The following ERI2 variants were observed in gnomAD, a reference collection of about 807,000 sequenced individuals.
The protein encoded by ERI2 is ERI1 exoribonuclease family member 2.
In ERI2, 35 loss-of-function variants were observed where a neutral mutation model predicts 46.8. That is an observed-to-expected ratio of 0.75 (90% CI 0.57 to 0.99). The LOEUF (loss-of-function observed/expected upper bound fraction) is 0.99, where lower values mean the gene tolerates loss of function less well. ERI2 is among the 50% of genes least tolerant of loss of function. The pLI is 0.00. For synonymous variants in ERI2, 224 were observed against 271.0 expected, an observed-to-expected ratio of 0.83 and a Z score of 1.70; for missense variants, 695 against 796.2, an observed-to-expected ratio of 0.87 and a Z score of 1.53.
downstream of ERI2, chr16:20,792,253 T>C (rs2080617739): frequency 6.2e-7 from 1 of 1,614,024 alleles, no homozygotes; most frequent in East Asian, 2.2e-5. Flanking sequence ...ATTGGACCAT[T>C]TGAGGTAGAA....
At chr16:20,785,193 A>G in intron 10 of ERI2, 1 of 1,530,676 alleles carries the variant, frequency 6.5e-7, no homozygotes, top group South Asian at 1.2e-5. Context: ...CCTTATGATT[A>G]TTTGAGGGAT....
rs2080766855 is a variant in ERI2, at chr16:20,799,003, A to G, written c.797T>C (p.Met266Thr). The change falls in exon 9 of 9, where the codon ATG becomes ACG. Residue 266 changes from methionine to threonine, a missense_variant. Physicochemically the swap from Met to Thr is moderately conservative, Grantham distance 81. Transcript: ENST00000357967. ...CTGGATGCTAATGTTACAGGCAGAC[A>G]TTTCTTCAACTTGAATTGTATTCAA... ...RNLNTIQVEEMSACNISIQGP... is the reference protein window; with the variant it reads ...RNLNTIQVEETSACNISIQGP... 1.3e-6 allele frequency: 2 copies of G among 1,534,822 alleles called. No homozygotes were observed. Among genetic ancestry groups the G allele is most frequent in the Non-Finnish European group, 1.7e-6 (2 of 1,142,892 alleles).
chr16:20,794,949 T>G (rs1013252032), downstream of ERI2, among the ~76,000 whole-genome samples: 2 of 152,242 alleles, frequency 1.3e-5, no homozygotes, highest in African/African-American at 4.8e-5. Context: ...GTAGAAATCG[T>G]CAATATGTGA....
chr16:20,799,308 C>T lies in ERI2; in HGVS notation c.687G>A (p.Met229Ile), dbSNP rs1262068761. Residue 229 changes from methionine to isoleucine, a missense_variant, in exon 8 of 9, where the codon ATG (methionine) becomes ATA (isoleucine). Coordinates refer to ENST00000357967, the MANE Select transcript of ERI2 (RefSeq NM_001142725.2). ...TTTTCATTACACAACCATCTCTGATCATTTTCCAAGCAAGAAGGGCAGTAT... is the reference window on the plus strand; with the variant it reads ...TTTTCATTACACAACCATCTCTGATTATTTTCCAAGCAAGAAGGGCAGTAT... The part of the protein sequence containing the change: ...SRNTALLAWK[M>I]IRDGCVMKIT... 1 of 1,613,752 alleles carries T rather than the reference C, an allele frequency of 6.2e-7. No homozygotes were observed. The highest frequency in any genetic ancestry group is 1.7e-5 in the Admixed American group (1 of 59,996).
At chr16:20,802,078 AC>A (rs1470496529) in intron 4 of ERI2, among the ~76,000 whole-genome samples, 1 of 148,542 alleles carries the variant, frequency 6.7e-6, no homozygotes, top group Non-Finnish European at 1.5e-5. Flanking sequence ...GAGGTGACTC[AC>A]GCCTGTAATC....
chr16:20,787,045 A>C (rs1246717483), intron 10 of ERI2, among the ~76,000 whole-genome samples: 1 of 152,202 alleles, frequency 6.6e-6, no homozygotes, highest in South Asian at 2.1e-4. Flanking sequence ...CCTGATGCCT[A>C]GGGGGAATTC....
chr16:20,792,363 A>G (rs1449870465), downstream of ERI2: 4 of 1,611,844 alleles, frequency 2.5e-6, no homozygotes, highest in South Asian at 3.3e-5. Flanking sequence ...TGTCAACTTT[A>G]TAATTTGTTG....
intron 10 of ERI2, chr16:20,786,448 A>G (rs536999427): frequency 2.4e-6 from 1 of 425,324 alleles, no homozygotes; most frequent in East Asian, 4.1e-5. Context: ...TGGGAGGCCA[A>G]GGCGGGAGCA....
At chr16:20,792,415 G>C (rs2080624037), downstream of ERI2, 1 of 1,578,374 alleles carries the variant, frequency 6.3e-7, no homozygotes, top group Non-Finnish European at 8.7e-7. Context: ...CAGTGAAACA[G>C]AATTAACCAA....
chr16:20,786,028 A>C lies in ERI2; in HGVS notation c.894+3451T>G, dbSNP rs777074557. ...TGAATGAATGCATGATAGATGAATA[A>C]ATTTTAAGTGACTTGTAATGTTATC... On this transcript the variant is annotated intron_variant, in intron 10 of 10. Transcript: ENST00000300005. 28 of 1,312,560 alleles carry C rather than the reference A, an allele frequency of 2.1e-5. No homozygotes were observed. The Admixed American group carries it at 6.8e-4, about 32-fold the overall frequency. 81.3% of individuals were successfully genotyped at this position (1,312,560 alleles called of 1,614,324 possible).
At chr16:20,787,245 G>A (rs2080494655) in intron 10 of ERI2, among the ~76,000 whole-genome samples, 1 of 152,176 alleles carries the variant, frequency 6.6e-6, no homozygotes, top group Non-Finnish European at 1.5e-5. Context: ...TGGCTGACTG[G>A]GAGCTGTGAC....
chr16:20,786,192 A>T, intron 10 of ERI2: 1 of 1,606,728 alleles, frequency 6.2e-7, no homozygotes. Flanking sequence ...AATGTTTAAC[A>T]ACCCAATCTG....
At chr16:20,791,079 T>A in intron 8 of ERI2, 1 of 716,984 alleles carries the variant, frequency 1.4e-6, no homozygotes. Context: ...ATTAAGCAAA[T>A]GTCTTTCACA....
rs1472354187 is a variant in ERI2 at position 20,790,595 on chromosome 16, T to C, written c.815+255A>G. 1.2e-6 allele frequency: 2 copies of C among 1,613,808 alleles called. No homozygotes were observed. Among genetic ancestry groups the C allele is most frequent in the African/African-American group, 1.3e-5 (1 of 75,068 alleles). Reference sequence around the variant, plus strand: ...GTTCTATTTTATCCTAGATTGTAGATGTAAATGGCAATGTTCTACCTCCTG... The same window carrying C: ...GTTCTATTTTATCCTAGATTGTAGACGTAAATGGCAATGTTCTACCTCCTG... On this transcript the variant is annotated intron_variant, in intron 9 of 10. Transcript: ENST00000300005. The surrounding 1 kb of genome is among the most constrained non-coding windows in gnomAD (Gnocchi z 4.0).
chr16:20,798,373 T>C lies in ERI2; in HGVS notation c.1427A>G (p.Tyr476Cys). Residue 476 changes from tyrosine (Y) to cysteine (C), a missense_variant, in exon 9 of 9, where the codon TAC (tyrosine) becomes TGC (cysteine). Transcript: ENST00000357967. Reference sequence around the variant, plus strand: ...ATAAATAGTAGTGTGAGGACTCTTGTACACAATAGACTTAGAAGTCTCAGA... The same window carrying C: ...ATAAATAGTAGTGTGAGGACTCTTGCACACAATAGACTTAGAAGTCTCAGA... ...QKSETSKSIV[Y>C]KSPHTTIYNV... is the part of the protein sequence containing the mutation. 5 of 1,551,404 alleles carry C rather than the reference T, an allele frequency of 3.2e-6. No homozygotes were observed. The highest frequency in any genetic ancestry group is 4.4e-6 in the Non-Finnish European group (5 of 1,146,880).
At chr16:20,806,208 G>A in intron 1 of ERI2, 200 bp downstream of exon 1, 1 of 1,400,254 alleles carries the variant, frequency 7.1e-7, no homozygotes, top group Non-Finnish European at 9.2e-7. Flanking sequence ...TCACCCTCGG[G>A]TAGAAGGTGG....
chr16:20,781,692 T>G lies in ERI2; in HGVS notation c.895-958A>C, dbSNP rs753578255. The stretch of plus-strand genomic sequence containing the variant: ...AGTTGTAGTAAGACCAAGAGTTTGC[T>G]TTTTCTAAATTGCAGACACTCTCCA... On this transcript the variant is annotated intron_variant, in intron 10 of 10. Transcript: ENST00000300005. 7 of 1,600,152 alleles carry G rather than the reference T, an allele frequency of 4.4e-6. No homozygotes were observed. The East Asian group carries it at 1.6e-4, about 36-fold the overall frequency.
rs961722358 is a variant in ERI2, at chr16:20,790,816, T to C, written c.815+34A>G. 10 of 1,613,780 alleles carry C rather than the reference T, an allele frequency of 6.2e-6. No individual in the cohort carries two copies. Among genetic ancestry groups the C allele is most frequent in the Non-Finnish European group, 8.5e-6 (10 of 1,179,902 alleles). On this transcript the variant is annotated intron_variant, in intron 9 of 10. Transcript: ENST00000300005. The surrounding 1 kb of genome is among the most constrained non-coding windows in gnomAD (Gnocchi z 4.0). ...TTCTTGAGAGATTGGTTGTCCTGAA[T>C]AGTAATCCAAAAGACAAGAAATTGA... is the stretch of plus-strand genomic sequence containing the variant.
chr16:20,780,629 A>G, exon 11 of ERI2: 1 of 1,613,078 alleles, frequency 6.2e-7, no homozygotes. Context: ...AAGAGGTTCA[A>G]GTGGAGAGCT....
Sources: gnomAD v4.1 joint callset for allele counts (sites outside exome capture counted in the v4.1 genomes callset) on GRCh38, gnomAD v4.1.1 for gene constraint, Gnocchi (gnomAD v3.1) non-coding constraint, MANE v1.5 for transcripts, NCBI Gene and HGNC (gene_info 2026-07-23, HGNC 2026-07-21) for gene names.